Variants in TRAP1 observed in about 807,000 individuals in gnomAD.
TRAP1 encodes the protein heat shock protein 75 kDa, mitochondrial.
A neutral mutation model predicts 89.1 loss-of-function variants in TRAP1; 102 were observed. The ratio of observed to expected loss-of-function variants is 1.15; its 90% CI spans 0.98 to 1.35. The LOEUF (loss-of-function observed/expected upper bound fraction) is 1.35, where lower values mean the gene tolerates loss of function less well. Among genes scored for constraint, TRAP1 ranks in the 40% most tolerant of loss-of-function variants. The probability of loss-of-function intolerance (pLI) is 0.00; values close to 1 mark genes in which losing one functional copy is unlikely to be tolerated. For synonymous variants in TRAP1, 508 were observed against 388.0 expected, an observed-to-expected ratio of 1.31 and a Z score of -3.64; for missense variants, 1,256 against 945.3, an observed-to-expected ratio of 1.33 and a Z score of -4.31.
chr16:3,704,542 A>G (rs1416001424), intron 1 of TRAP1, among the ~76,000 whole-genome samples: 1 of 152,116 alleles, frequency 6.6e-6, no homozygotes, highest in Non-Finnish European at 1.5e-5. Context: ...ATATAAAGCT[A>G]CAATATTAAA....
chr16:3,714,590 C>T (rs1227952239), intron 1 of TRAP1, among the ~76,000 whole-genome samples: 4 of 152,150 alleles, frequency 2.6e-5, no homozygotes, highest in East Asian at 3.8e-4. Flanking sequence ...ACCCAGGAGG[C>T]GGAGGGTGTG....
At chr16:3,676,833 A>T (rs2051003225) in intron 6 of TRAP1, 1 of 152,442 alleles carries the variant, frequency 6.6e-6, no homozygotes, top group Admixed American at 6.5e-5. Context: ...AGACGGGCAG[A>T]TCACCTGAGG....
At position 3,662,909 on chromosome 16, in the gene TRAP1, C is replaced by T. The variant is rs748175619; in HGVS notation, c.1767G>A (p.Val589=). 4.9e-5 allele frequency: 79 copies of T among 1,613,376 alleles called. No homozygotes were observed. Among genetic ancestry groups the T allele is most frequent in the Non-Finnish European group, 6.4e-5 (75 of 1,180,014 alleles). Residue 589 remains valine (V), a synonymous_variant, in exon 15 of 18, where the codon GTG becomes GTA. Transcript: ENST00000246957. ...TEELMAWMRN[V]LGSRVTNVKV... ...TCACGTTGGTGACACGCGACCCCAG[C>T]ACATTTCTCATCCAGGCCATGAGCT...
intron 1 of TRAP1, among the ~76,000 whole-genome samples, chr16:3,691,460 A>C (rs1415727903): frequency 6.6e-6 from 1 of 152,152 alleles, no homozygotes; most frequent in East Asian, 1.9e-4. Flanking sequence ...GGCTGAAACC[A>C]TCTTCCCGCC....
chr16:3,677,584 G>C lies in TRAP1; in HGVS notation c.618C>G (p.Tyr206Ter), dbSNP rs2051016352. Residue 206 changes from tyrosine (Y) to a stop codon, truncating the protein, a stop_gained, in exon 6 of 18, where the codon TAC becomes TAG. Transcript: ENST00000246957. LOFTEE classifies it high-confidence loss of function. ...CTCTGTCAGCCACCATGAAAGCTGA[G>C]TAGAAACCCACTCCAAACTGGCCGA... The part of the protein sequence containing the change: ...KIIGQFGVGF[Y>*]SAFMVADRVE... The C allele has an allele frequency of 1.2e-6, 2 of 1,614,074 alleles. No homozygotes were observed. The highest frequency in any genetic ancestry group is 1.7e-6 in the Non-Finnish European group (2 of 1,180,036).
intron 1 of TRAP1, among the ~76,000 whole-genome samples, chr16:3,699,704 G>A (rs922199027): frequency 1.3e-5 from 2 of 150,938 alleles, no homozygotes; most frequent in Admixed American, 6.6e-5. Context: ...AGATTGCTCT[G>A]TCACCCAGGC....
intron 4 of TRAP1, 75 bp downstream of exon 4, chr16:3,685,921 G>A (rs2051132163): frequency 1.3e-6 from 2 of 1,539,758 alleles, no homozygotes; most frequent in Non-Finnish European, 8.8e-7. Flanking sequence ...TGGGACCCGA[G>A]ACATCACTAG....
chr16:3,677,587 G>A lies in TRAP1; in HGVS notation c.615C>T (p.Phe205=). ...TGTCAGCCACCATGAAAGCTGAGTA[G>A]AAACCCACTCCAAACTGGCCGATGA... ...SKIIGQFGVG[F]YSAFMVADRV... The change falls in exon 6 of 18, where the codon TTC becomes TTT. Residue 205 remains phenylalanine (F), a synonymous_variant. Transcript: ENST00000246957. 1 of 1,614,200 alleles carries A rather than the reference G, an allele frequency of 6.2e-7. No individual in the cohort carries two copies. Among genetic ancestry groups the A allele is most frequent in the Non-Finnish European group, 8.5e-7 (1 of 1,180,040 alleles).
rs1337243996 is a variant in TRAP1 at position 3,674,696 on chromosome 16, C to T, written c.889-202G>A. 4 of 627,598 alleles carry T rather than the reference C, an allele frequency of 6.4e-6. No individual in the cohort carries two copies. In the African/African-American group the frequency reaches 7.4e-5, roughly 12 times the overall value. 38.9% of individuals were successfully genotyped at this position (627,598 alleles called of 1,614,324 possible). ...AGGGGAGACACACAAGGCTCTGGGG[C>T]AGGAGCTCCTCAGGACAACATGTCA... On this transcript the variant is annotated intron_variant, in intron 8 of 17. Coordinates refer to ENST00000246957, the MANE Select transcript of TRAP1 (RefSeq NM_016292.3).
chr16:3,675,483 C>G (rs1284687660), intron 7 of TRAP1, 86 bp from the exon 8 acceptor site: 4 of 1,366,020 alleles, frequency 2.9e-6, no homozygotes, highest in Admixed American at 3.5e-5. Flanking sequence ...TGAGCGCCAG[C>G]CTGCTGGGAA....
At chr16:3,661,942 TCTGGGGAATCCCA>T (rs1567219981) in intron 16 of TRAP1, 32 bp downstream of exon 16, 1 of 1,550,660 alleles carries the variant, frequency 6.4e-7, no homozygotes, top group Non-Finnish European at 8.7e-7. Flanking sequence ...CACACAGGAT[TCTGGGGAATCCCA>T]CAGGCTGGAA....
chr16:3,659,673 G>GA (rs2042951166), intron 16 of TRAP1: 1 of 152,048 alleles, frequency 6.6e-6, no homozygotes, highest in Non-Finnish European at 1.5e-5. Flanking sequence ...CTGGAGTCGG[G>GA]AAAACCACAT....
At chr16:3,692,221 C>T (rs1321004768) in intron 1 of TRAP1, among the ~76,000 whole-genome samples, 1 of 152,144 alleles carries the variant, frequency 6.6e-6, no homozygotes, top group Non-Finnish European at 1.5e-5. Flanking sequence ...ACAGAATATC[C>T]AGGAATCAAG....
At chr16:3,700,160 C>T (rs1327833779) in intron 1 of TRAP1, among the ~76,000 whole-genome samples, 1 of 152,066 alleles carries the variant, frequency 6.6e-6, no homozygotes, top group Non-Finnish European at 1.5e-5. Context: ...ATCACAAAAG[C>T]TACTCTTTAC....
intron 12 of TRAP1, 57 bp from the exon 13 acceptor site, chr16:3,664,516 C>T: frequency 4.6e-6 from 7 of 1,537,038 alleles, no homozygotes; most frequent in Non-Finnish European, 6.1e-6. Context: ...CAATGTTGCC[C>T]AACTAACTGG....
intron 1 of TRAP1, among the ~76,000 whole-genome samples, chr16:3,707,028 C>A (rs1219987008): frequency 2.0e-5 from 3 of 151,980 alleles, no homozygotes; most frequent in African/African-American, 7.3e-5. Flanking sequence ...TCCTAGTTAT[C>A]CATTTTGTAT....
rs569995327 is a variant in TRAP1 at position 3,682,387 on chromosome 16, C to CAA, written c.472-2599_472-2598dup. On this transcript the variant is annotated intron_variant, in intron 4 of 17. Transcript: ENST00000246957. The stretch of plus-strand genomic sequence containing the variant: ...GCCACAAAGCAAGACCCTGCCTCTA[C>CAA]AAAAAAAAAAAAAAAAAAATTTCTC... 1.7e-3 allele frequency among the ~76,000 whole-genome samples: 136 copies of CAA among 78,332 alleles called. 1 individual carries two copies. The highest frequency in any genetic ancestry group is 4.8e-3 in the South Asian group (13 of 2,714). The allele number at this position is 78,332 out of a possible 152,430, so 51.4% of individuals were successfully genotyped here. A position where few individuals can be genotyped will look rare whatever the true frequency, so the allele number is the denominator to read the frequency against.
chr16:3,679,638 T>A, intron 5 of TRAP1, 81 bp downstream of exon 5: 1 of 1,438,872 alleles, frequency 6.9e-7, no homozygotes, highest in Non-Finnish European at 9.8e-7. Flanking sequence ...TTACTTAATC[T>A]GGCACCCAGG....
intron 5 of TRAP1, chr16:3,678,267 C>T (rs550113483): frequency 1.2e-3 from 190 of 152,640 alleles, no homozygotes; most frequent in Non-Finnish European, 2.4e-3. Context: ...GACAGCCTGC[C>T]GAGCACCTGC....
Sources: allele counts gnomAD v4.1 joint callset (sites outside exome capture counted in the v4.1 genomes callset), GRCh38; gene constraint gnomAD v4.1.1; transcripts MANE v1.5; gene names NCBI Gene and HGNC (gene_info 2026-07-23, HGNC 2026-07-21).